Variants in DCAF8L2 observed in about 807,000 individuals in gnomAD.
The protein encoded by DCAF8L2 is DDB1 and CUL4 associated factor 8 like 2, also known as DDB1- and CUL4-associated factor 8-like protein 2.
For synonymous variants in DCAF8L2, 200 were observed against 190.9 expected (o/e 1.05, Z -0.39); for missense variants, 430 against 490.7 (o/e 0.88, Z 1.17).
At chrX:27,596,827 T>A (rs1926384019) in intron 1 of DCAF8L2, among the ~76,000 whole-genome samples, 1 of 111,624 alleles carries the variant, frequency 9.0e-6, no homozygotes. Context: ...TGTCTCTTAT[T>A]TTTAATCCTT....
At chrX:27,499,841 G>GC in the DCAF8L2 span, among the ~76,000 whole-genome samples, 43 of 108,592 alleles carry the variant, frequency 4.0e-4, no homozygotes, top group Admixed American at 3.2e-3. Flanking sequence ...GGTGGTGGGG[G>GC]GGGGTACAGG....
the DCAF8L2 span, among the ~76,000 whole-genome samples, chrX:27,571,902 C>CACCCGCTAAATAAGATGGATTGGTCA: frequency 9.0e-6 from 1 of 111,411 alleles, no homozygotes; most frequent in Admixed American, 9.6e-5. Flanking sequence ...CTAGTCCACA[C>CACCCGCTAAATAAGATGGATTGGTCA]ACCCGCTAAA....
At chrX:27,587,985 A>AAAAAAAATATATATATATATATATAT, upstream of DCAF8L2, among the ~76,000 whole-genome samples, 6 of 22,362 alleles carry the variant, frequency 2.7e-4, no homozygotes, top group African/African-American at 3.9e-4. Flanking sequence ...TAAAAAAAAA[A>AAAAAAAATATATATATATATATATAT]ATATATATAT....
At position 27,746,684 on chromosome X, in the gene DCAF8L2, A is replaced by C. The variant is rs1022945531; in HGVS notation, c.-58-154A>C. The C allele has an allele frequency of 2.4e-5, 9 of 382,363 alleles. No individual in the cohort carries two copies. In the South Asian group the frequency reaches 6.1e-4, roughly 26 times the overall value. 31.5% of individuals were successfully genotyped at this position (382,363 alleles called of 1,213,427 possible). A position where few individuals can be genotyped will look rare whatever the true frequency, so the allele number is the denominator to read the frequency against. On this transcript the variant is annotated intron_variant, in intron 4 of 4. Transcript: ENST00000451261. ...TGCTGCGAGGCGGCGAGCAGGTAAG[A>C]AGCTTTTTGAACCTCATGGGATCCC...
intron 3 of DCAF8L2, among the ~76,000 whole-genome samples, chrX:27,710,978 T>A (rs950370799): frequency 8.9e-6 from 1 of 112,010 alleles, no homozygotes. Flanking sequence ...TGTAAAACGA[T>A]TTTTCTGCAT....
the DCAF8L2 span, among the ~76,000 whole-genome samples, chrX:27,503,752 T>G: frequency 9.0e-6 from 1 of 111,657 alleles, no homozygotes; most frequent in Non-Finnish European, 1.9e-5. Context: ...TTGTTTTAGC[T>G]ATTCTAGTTA....
rs1921029649 is a variant in DCAF8L2, at chrX:27,728,934, C to T, written c.-59+12763C>T. ...CTTCCTCACTCTTGTATCCATAGTG[C>T]CTATAAAACTGCCTGACATTTAGTA... On this transcript the variant is annotated intron_variant, in intron 4 of 4. Coordinates refer to ENST00000451261, the MANE Select transcript of DCAF8L2 (RefSeq NM_001353450.2). 2.7e-5 allele frequency among the ~76,000 whole-genome samples: 3 copies of T among 111,643 alleles called. 1 individual carries two copies. The South Asian group carries it at 1.1e-3, about 42-fold the overall frequency.
intron 1 of DCAF8L2, among the ~76,000 whole-genome samples, chrX:27,627,627 G>A (rs1433501433): frequency 9.2e-6 from 1 of 108,266 alleles, no homozygotes; most frequent in African/African-American, 3.4e-5. Flanking sequence ...CGGGCACAGT[G>A]TCTCATGCCT....
the DCAF8L2 span, among the ~76,000 whole-genome samples, chrX:27,520,824 G>T: frequency 9.8e-5 from 11 of 111,806 alleles, no homozygotes; most frequent in African/African-American, 3.6e-4. Context: ...AGAATTGTAG[G>T]CCATTTTCTT....
chrX:27,505,753 G>A, the DCAF8L2 span, among the ~76,000 whole-genome samples: 4 of 108,087 alleles, frequency 3.7e-5, no homozygotes, highest in Non-Finnish European at 5.7e-5. Context: ...TGCTGGAACT[G>A]TGTATTTTGC....
At chrX:27,595,182 C>A (rs1926293090) in intron 1 of DCAF8L2, among the ~76,000 whole-genome samples, 2 of 111,614 alleles carry the variant, frequency 1.8e-5, no homozygotes, top group Admixed American at 1.9e-4. Flanking sequence ...ATCAAGCTTC[C>A]TGGCCTCAAA....
At chrX:27,639,705 T>A (rs1226913736) in intron 2 of DCAF8L2, among the ~76,000 whole-genome samples, 1 of 111,692 alleles carries the variant, frequency 9.0e-6, no homozygotes, top group Non-Finnish European at 1.9e-5. Flanking sequence ...TTACATTTTT[T>A]AAATTATGAA....
chrX:27,705,937 T>C (rs1457605619), intron 3 of DCAF8L2, among the ~76,000 whole-genome samples: 2 of 111,840 alleles, frequency 1.8e-5, no homozygotes, highest in Non-Finnish European at 3.8e-5. Context: ...TACATTTAAG[T>C]CTCTAGTCCT....
chrX:27,473,789 T>C, the DCAF8L2 span, among the ~76,000 whole-genome samples: 1 of 111,516 alleles, frequency 9.0e-6, no homozygotes, highest in Non-Finnish European at 1.9e-5. Flanking sequence ...TTATCCAATA[T>C]CAATGTCATG....
chrX:27,563,508 G>C, the DCAF8L2 span, among the ~76,000 whole-genome samples: 1 of 111,734 alleles, frequency 8.9e-6, no homozygotes, highest in Non-Finnish European at 1.9e-5. Context: ...TTGATATTAG[G>C]ATATGACTCT....
intron 2 of DCAF8L2, among the ~76,000 whole-genome samples, chrX:27,637,409 C>G (rs1176005867): frequency 1.8e-5 from 2 of 111,545 alleles, no homozygotes; most frequent in Non-Finnish European, 3.8e-5. Flanking sequence ...ATGCTCTTAC[C>G]CAATCAGATT....
chrX:27,484,567 C>G, the DCAF8L2 span, among the ~76,000 whole-genome samples: 1 of 111,110 alleles, frequency 9.0e-6, no homozygotes, highest in Non-Finnish European at 1.9e-5. Context: ...TAATTAGAAT[C>G]AAATCAGTCT....
chrX:27,719,250 C>T (rs937404247), intron 4 of DCAF8L2, among the ~76,000 whole-genome samples: 4 of 110,995 alleles, frequency 3.6e-5, no homozygotes, highest in African/African-American at 1.3e-4. Flanking sequence ...TTTAGCAATT[C>T]TAGTGAATAT....
At chrX:27,504,461 T>C in the DCAF8L2 span, among the ~76,000 whole-genome samples, 1 of 111,811 alleles carries the variant, frequency 8.9e-6, no homozygotes, top group African/African-American at 3.2e-5. Context: ...TGTGTACTTA[T>C]TGTTCTTATG....
Sources: gnomAD v4.1 joint callset for allele counts (sites outside exome capture counted in the v4.1 genomes callset) on GRCh38, gnomAD v4.1.1 for gene constraint, MANE v1.5 for transcripts, NCBI Gene and HGNC (gene_info 2026-07-23, HGNC 2026-07-21) for gene names.